ACACA: variants seen among roughly 807,000 people sequenced by gnomAD.
The protein encoded by ACACA is acetyl-CoA carboxylase alpha, also known as acetyl-CoA carboxylase 1.
ACACA carries 103 observed loss-of-function variants against 296.1 expected under a neutral mutation model. That is an observed-to-expected ratio of 0.35 (90% CI 0.30 to 0.41). The LOEUF (loss-of-function observed/expected upper bound fraction) is 0.41. ACACA is among the 10% of genes least tolerant of loss of function. The probability of loss-of-function intolerance (pLI) is 1.00; values close to 1 mark genes in which losing one functional copy is unlikely to be tolerated. For synonymous variants in ACACA, 953 were observed against 1,038.6 expected, an observed-to-expected ratio of 0.92 and a Z score of 1.58; for missense variants, 1,554 against 2,989.7, an observed-to-expected ratio of 0.52 and a Z score of 11.20.
intron 3 of ACACA, among the ~76,000 whole-genome samples, chr17:37,311,895 A>C (rs1020886930): frequency 4.0e-5 from 6 of 151,714 alleles, no homozygotes; most frequent in African/African-American, 9.7e-5. Flanking sequence ...AAGAAGAAGA[A>C]GAAGGAGAAG....
intron 52 of ACACA, among the ~76,000 whole-genome samples, chr17:37,106,048 T>C (rs900181467): frequency 6.6e-6 from 1 of 152,104 alleles, no homozygotes; most frequent in Non-Finnish European, 1.5e-5. Flanking sequence ...GACTGGAATC[T>C]TATTAAGATT....
chr17:37,162,141 A>C (rs1006629513), intron 41 of ACACA, 91 bp from the exon 42 acceptor site: 2 of 1,379,338 alleles, frequency 1.4e-6, no homozygotes, highest in South Asian at 2.4e-5. Flanking sequence ...ATACCTAGGC[A>C]CAGCCATTAT....
chr17:37,277,857 G>T, intron 6 of ACACA, 39 bp downstream of exon 6: 1 of 1,493,632 alleles, frequency 6.7e-7, no homozygotes, highest in Non-Finnish European at 9.3e-7. Flanking sequence ...CTATAAAATG[G>T]CTGAATTTGG....
intron 18 of ACACA, among the ~76,000 whole-genome samples, chr17:37,247,370 A>ATTTC (rs2080760696): frequency 9.3e-6 from 1 of 107,636 alleles, no homozygotes; most frequent in Non-Finnish European, 1.7e-5. Flanking sequence ...ACATTTGTGA[A>ATTTC]TTTCTTTTTT....
chr17:37,102,799 T>G (rs796403715), intron 52 of ACACA, among the ~76,000 whole-genome samples: 2 of 152,234 alleles, frequency 1.3e-5, no homozygotes, highest in South Asian at 4.1e-4. Context: ...AACAAAGGTC[T>G]TGCCCTCTCA....
chr17:37,184,961 A>ACAC (rs1418158949), intron 39 of ACACA, among the ~76,000 whole-genome samples: 1 of 152,206 alleles, frequency 6.6e-6, no homozygotes, highest in Non-Finnish European at 1.5e-5. Context: ...TGAGTAAAAT[A>ACAC]AGCTAGACAC....
At chr17:37,096,901 T>G in intron 54 of ACACA, 95 bp downstream of exon 54, 5 of 1,446,526 alleles carry the variant, frequency 3.5e-6, no homozygotes, top group Non-Finnish European at 4.9e-6. Flanking sequence ...ACTCCTGCCC[T>G]TAGAGGCCTG....
chr17:37,383,159 T>C (rs938103800), intron 1 of ACACA, among the ~76,000 whole-genome samples: 1 of 152,176 alleles, frequency 6.6e-6, no homozygotes, highest in African/African-American at 2.4e-5. Flanking sequence ...GCAGCTGTGT[T>C]GGGGAAAAGT....
At chr17:37,088,827 G>A (rs1359187993) in intron 55 of ACACA, 111 bp downstream of exon 55, 3 of 1,396,964 alleles carry the variant, frequency 2.1e-6, no homozygotes, top group South Asian at 2.3e-5. Context: ...AACAGCAAGA[G>A]ACTGCAGAGA....
At chr17:37,189,176 C>T (rs1321566698) in intron 38 of ACACA, among the ~76,000 whole-genome samples, 1 of 152,190 alleles carries the variant, frequency 6.6e-6, no homozygotes, top group Non-Finnish European at 1.5e-5. Flanking sequence ...GTTATTTTAA[C>T]TAAATGGCCT....
Position 37,187,933 on chromosome 17 carries a change from C to T in ACACA, c.4776+344G>A, listed in dbSNP as rs183290112. Reference sequence around the variant, plus strand: ...TTAATTATGGTGAAAACGGAAAGGACGCATCAGACCAGAGATTAGATTGCT... The same window carrying T: ...TTAATTATGGTGAAAACGGAAAGGATGCATCAGACCAGAGATTAGATTGCT... On this transcript the variant is annotated intron_variant, in intron 39 of 55. Transcript: ENST00000616317. 1.8e-4 allele frequency among the ~76,000 whole-genome samples: 27 copies of T among 152,088 alleles called. 1 individual carries two copies. The highest frequency in any genetic ancestry group is 4.0e-4 in the Non-Finnish European group (27 of 68,018).
In ACACA at chr17:37,156,053, CTTTTTTTTTTT is replaced by C. The variant is rs60787242; in HGVS notation, c.5350-284_5350-274del. On this transcript the variant is annotated intron_variant, in intron 42 of 55. Transcript: ENST00000616317. Reference sequence around the variant, plus strand: ...TTCATTTCATTTTCTTTCTTTCTTTCTTTTTTTTTTTTTTTTTTTTTTTTTGTTGAGATGGA... The same window carrying C: ...TTCATTTCATTTTCTTTCTTTCTTTCTTTTTTTTTTTTTTGTTGAGATGGA... Among the ~76,000 whole-genome samples, 205 of 94,018 alleles carry C rather than the reference CTTTTTTTTTTT, an allele frequency of 2.2e-3. 1 individual carries two copies. Among genetic ancestry groups the C allele is most frequent in the East Asian group, 0.014 (38 of 2,748 alleles). The allele number at this position is 94,018 out of a possible 152,430, so 61.7% of individuals were successfully genotyped here. A position where few individuals can be genotyped will look rare whatever the true frequency, so the allele number is the denominator to read the frequency against.
chr17:37,402,647 T>C (rs1412120773), intron 1 of ACACA, among the ~76,000 whole-genome samples: 1 of 152,074 alleles, frequency 6.6e-6, no homozygotes, highest in Non-Finnish European at 1.5e-5. Context: ...ATAGAGTATG[T>C]ATCTTCTACA....
chr17:37,131,531 T>C (rs2075097882), intron 45 of ACACA, among the ~76,000 whole-genome samples: 1 of 152,182 alleles, frequency 6.6e-6, no homozygotes, highest in Admixed American at 6.5e-5. Context: ...CAATACAAAA[T>C]TTCTTCCGTA....
intron 29 of ACACA, among the ~76,000 whole-genome samples, chr17:37,218,196 T>C (rs979364100): frequency 6.8e-6 from 1 of 147,744 alleles, no homozygotes; most frequent in Non-Finnish European, 1.5e-5. Flanking sequence ...TCCTAATTAA[T>C]TTTTGGTCTA....
At chr17:37,160,648 A>G (rs1294684855) in intron 42 of ACACA, among the ~76,000 whole-genome samples, 1 of 152,204 alleles carries the variant, frequency 6.6e-6, no homozygotes, top group Non-Finnish European at 1.5e-5. Context: ...AGTTGGATTT[A>G]AACACTCTGT....
chr17:37,262,211 T>G (rs778592608), intron 11 of ACACA, among the ~76,000 whole-genome samples: 2 of 152,162 alleles, frequency 1.3e-5, no homozygotes, highest in Non-Finnish European at 2.9e-5. Flanking sequence ...ATCGAAATTT[T>G]TGCTGAGCAC....
At chr17:37,200,961 A>C (rs928550578) in intron 33 of ACACA, among the ~76,000 whole-genome samples, 2 of 152,234 alleles carry the variant, frequency 1.3e-5, no homozygotes, top group Admixed American at 1.3e-4. Flanking sequence ...CAGATACAGC[A>C]TCCCTAGAAT....
rs564707897 is a variant in ACACA, at chr17:37,270,665, T to G, written c.1119+86A>C. The G allele has an allele frequency of 4.9e-6, 5 of 1,024,070 alleles. No homozygotes were observed. The South Asian group carries it at 5.4e-5, about 11-fold the overall frequency. The allele number at this position is 1,024,070 out of a possible 1,614,324, so 63.4% of individuals were successfully genotyped here. Reference sequence around the variant, plus strand: ...ACAAAATTAAAAATTAAATATTTTCTGGGCATCCAAATTATAGTATGAGTT... The same window carrying G: ...ACAAAATTAAAAATTAAATATTTTCGGGGCATCCAAATTATAGTATGAGTT... On this transcript the variant is annotated intron_variant, in intron 10 of 55. Transcript: ENST00000616317.
Sources: gnomAD v4.1 joint callset for allele counts (sites outside exome capture counted in the v4.1 genomes callset) on GRCh38, gnomAD v4.1.1 for gene constraint, MANE v1.5 for transcripts, NCBI Gene and HGNC (gene_info 2026-07-23, HGNC 2026-07-21) for gene names.